Variants in MEF2A observed in about 807,000 individuals in gnomAD.
MEF2A encodes myocyte enhancer factor 2A, also known as myocyte-specific enhancer factor 2A.
MEF2A carries 28 observed loss-of-function variants against 55.8 expected under a neutral mutation model. The observed-to-expected ratio is 0.50, with a 90% CI of 0.37 to 0.69. The LOEUF (loss-of-function observed/expected upper bound fraction) is 0.69, where lower values mean the gene tolerates loss of function less well. MEF2A is among the 30% of genes least tolerant of loss of function. The pLI, the probability that MEF2A is intolerant of heterozygous loss-of-function variation, is 0.00. For synonymous variants in MEF2A, 239 were observed against 227.1 expected (o/e 1.05, Z -0.47); for missense variants, 528 against 626.2 (o/e 0.84, Z 1.67).
intron 2 of MEF2A, among the ~76,000 whole-genome samples, chr15:99,629,390 T>C (rs2042563813): frequency 1.3e-5 from 2 of 152,254 alleles, no homozygotes; most frequent in Admixed American, 1.3e-4. Flanking sequence ...AGAGCCTTTA[T>C]TCCTGACGCA....
At chr15:99,579,240 A>G (rs574497241) in intron 1 of MEF2A, among the ~76,000 whole-genome samples, 84 of 150,432 alleles carry the variant, frequency 5.6e-4, no homozygotes, top group African/African-American at 1.9e-3. Flanking sequence ...ATATCATCAA[A>G]TGCTTGTTTG....
intron 4 of MEF2A, among the ~76,000 whole-genome samples, chr15:99,665,738 A>AAAAAAAAAAAAAAAAAAAC (rs2049525599): frequency 6.8e-6 from 1 of 148,038 alleles, no homozygotes; most frequent in African/African-American, 2.5e-5. Flanking sequence ...TTACAAAAAA[A>AAAAAAAAAAAAAAAAAAAC]AAAAAAAAAA....
chr15:99,712,596 T>C lies in MEF2A; in HGVS notation c.1343T>C (p.Met448Thr). 1 of 1,546,022 alleles carries C rather than the reference T, an allele frequency of 6.5e-7. No individual in the cohort carries two copies. The stretch of plus-strand genomic sequence containing the variant: ...CCGCAGCCCCAGCCCCGACAGGAAA[T>C]GGGGCGCTCCCCTGTGGACAGTCTG... ...QPPQPQPRQE[M>T]GRSPVDSLSS... is the part of the protein sequence containing the mutation. Residue 448 changes from methionine to threonine, a missense_variant, in exon 12 of 12, where the codon ATG (methionine) becomes ACG (threonine). Met to Thr is a moderately conservative substitution (Grantham distance 81, BLOSUM62 -1). Transcript: ENST00000557942. This position sits in a 1 kb window ranked among gnomAD's most constrained non-coding sequence, Gnocchi z 4.1.
chr15:99,589,444 T>G (rs995120005), intron 1 of MEF2A, among the ~76,000 whole-genome samples: 1 of 152,120 alleles, frequency 6.6e-6, no homozygotes, highest in Non-Finnish European at 1.5e-5. Flanking sequence ...TAACTAGAAG[T>G]TCTTTTCAAA....
At chr15:99,645,539 AT>A in intron 3 of MEF2A, 21 bp from the exon 4 acceptor site, 5 of 1,560,956 alleles carry the variant, frequency 3.2e-6, no homozygotes, top group Non-Finnish European at 4.4e-6. Context: ...TTTAATAAAA[AT>A]ATACCTTTTT....
At chr15:99,697,821 A>G (rs1019071301) in intron 8 of MEF2A, among the ~76,000 whole-genome samples, 1 of 152,218 alleles carries the variant, frequency 6.6e-6, no homozygotes, top group Non-Finnish European at 1.5e-5. Context: ...ACCCGATTTC[A>G]AGACCTACTA....
chr15:99,602,653 G>GTGTGTGTGTGTGT (rs1555454715), intron 2 of MEF2A, among the ~76,000 whole-genome samples: 2 of 44,842 alleles, frequency 4.5e-5, no homozygotes, highest in Non-Finnish European at 9.1e-5. Flanking sequence ...ACATTCCTGG[G>GTGTGTGTGTGTGT]GTGTGTGTGT....
intron 2 of MEF2A, among the ~76,000 whole-genome samples, chr15:99,632,485 T>C (rs1567272655): frequency 6.6e-6 from 1 of 152,180 alleles, no homozygotes. Context: ...GGATATTCTG[T>C]GTTGTGAAGA....
At chr15:99,639,738 C>CTT (rs2044550334) in intron 3 of MEF2A, among the ~76,000 whole-genome samples, 1 of 152,088 alleles carries the variant, frequency 6.6e-6, no homozygotes, top group Non-Finnish European at 1.5e-5. Context: ...TTCTTTCTGT[C>CTT]TTGTCTGCCT....
intron 8 of MEF2A, among the ~76,000 whole-genome samples, chr15:99,700,774 A>T (rs1231699905): frequency 6.6e-6 from 1 of 152,162 alleles, no homozygotes; most frequent in Non-Finnish European, 1.5e-5. Flanking sequence ...ATCAAAAGTC[A>T]CGGGAGCTGG....
intron 1 of MEF2A, among the ~76,000 whole-genome samples, chr15:99,591,548 A>G (rs1053918823): frequency 2.0e-5 from 3 of 151,986 alleles, no homozygotes; most frequent in African/African-American, 7.2e-5. Flanking sequence ...AGTTTCTTGA[A>G]TATGTGTGTT....
At chr15:99,598,632 CTT>C (rs1221900136) in intron 2 of MEF2A, 121 bp downstream of exon 2, 2 of 151,984 alleles carry the variant, frequency 1.3e-5, no homozygotes, top group African/African-American at 4.8e-5. Flanking sequence ...GCGAGGGGGG[CTT>C]AATTTAGACC....
Position 99,674,382 on chromosome 15 carries a change from T to C in MEF2A, c.391-11T>C. On this transcript the variant is annotated splice_polypyrimidine_tract_variant and intron_variant, in intron 5 of 11. Coordinates refer to ENST00000557942, the MANE Select transcript of MEF2A (RefSeq NM_001319206.4). ...ACCAACAGTTTTTTCCTTCTTTTTC[T>C]TTATTTACAGCCTGGTCTGCCACCT... 1 of 1,581,102 alleles carries C rather than the reference T, an allele frequency of 6.3e-7. No individual in the cohort carries two copies. Among genetic ancestry groups the C allele is most frequent in the Non-Finnish European group, 8.6e-7 (1 of 1,161,156 alleles).
chr15:99,691,311 C>G (rs1321853749), intron 8 of MEF2A, among the ~76,000 whole-genome samples: 1 of 152,032 alleles, frequency 6.6e-6, no homozygotes, highest in Non-Finnish European at 1.5e-5. Flanking sequence ...AAGCATTAAC[C>G]ATGACTTATT....
chr15:99,683,341 G>A lies in MEF2A; in HGVS notation c.671-6900G>A, dbSNP rs181349177. Among the ~76,000 whole-genome samples, 12 of 152,254 alleles carry A rather than the reference G, an allele frequency of 7.9e-5. 1 individual carries two copies. The highest frequency in any genetic ancestry group is 2.9e-4 in the African/African-American group (12 of 41,532). On this transcript the variant is annotated intron_variant, in intron 7 of 11. Coordinates refer to ENST00000557942, the MANE Select transcript of MEF2A (RefSeq NM_001319206.4). ...GAGTGGGTCACTTGGTAAACGTTTT[G>A]GAGGAAACAAGAGGAATTGGGTGAG... is the stretch of plus-strand genomic sequence containing the variant.
At chr15:99,652,509 G>A (rs2047025635) in intron 4 of MEF2A, among the ~76,000 whole-genome samples, 1 of 152,158 alleles carries the variant, frequency 6.6e-6, no homozygotes, top group African/African-American at 2.4e-5. Context: ...GATGCTCTAG[G>A]TCAGAGGGGC....
intron 7 of MEF2A, among the ~76,000 whole-genome samples, chr15:99,676,591 A>G (rs1317452901): frequency 1.5e-5 from 2 of 135,084 alleles, no homozygotes; most frequent in African/African-American, 2.6e-5. Flanking sequence ...TTTTTTTTTG[A>G]GACGGAGTCT....
intron 2 of MEF2A, among the ~76,000 whole-genome samples, chr15:99,628,357 C>G (rs2042374304): frequency 6.6e-6 from 1 of 152,104 alleles, no homozygotes; most frequent in South Asian, 2.1e-4. Context: ...CCTCTGTAAT[C>G]ATCATATAAT....
At chr15:99,654,054 T>C (rs1177224767) in intron 4 of MEF2A, among the ~76,000 whole-genome samples, 1 of 152,122 alleles carries the variant, frequency 6.6e-6, no homozygotes, top group East Asian at 1.9e-4. Flanking sequence ...TCCCATAATA[T>C]TATATAATTA....
Sources: allele counts gnomAD v4.1 joint callset (sites outside exome capture counted in the v4.1 genomes callset), GRCh38; gene constraint gnomAD v4.1.1; non-coding constraint Gnocchi (gnomAD v3.1); transcripts MANE v1.5; gene names NCBI Gene and HGNC (gene_info 2026-07-23, HGNC 2026-07-21).